Variants in TRIP12 observed in about 807,000 individuals in gnomAD.
TRIP12 encodes thyroid hormone receptor interactor 12.
A neutral mutation model predicts 244.2 loss-of-function variants in TRIP12; 25 were observed. The ratio of observed to expected loss-of-function variants is 0.10; its 90% CI spans 0.07 to 0.14. The LOEUF (loss-of-function observed/expected upper bound fraction) is 0.14. TRIP12 is among the 10% of genes least tolerant of loss of function. The pLI, the probability that TRIP12 is intolerant of heterozygous loss-of-function variation, is 1.00. For synonymous variants in TRIP12, 905 were observed against 873.1 expected, an observed-to-expected ratio of 1.04 and a Z score of -0.64; for missense variants, 1,677 against 2,486.4, an observed-to-expected ratio of 0.67 and a Z score of 6.92.
chr2:229,817,429 T>C (rs890697599), intron 9 of TRIP12, among the ~76,000 whole-genome samples: 2 of 152,218 alleles, frequency 1.3e-5, no homozygotes, highest in Non-Finnish European at 2.9e-5. Flanking sequence ...TGCTGTATTG[T>C]GCTAAGGTGC....
Position 229,808,192 on chromosome 2 carries a change from T to A in TRIP12, c.2339+60A>T, listed in dbSNP as rs924317640. On this transcript the variant is annotated intron_variant, in intron 16 of 41. Coordinates refer to ENST00000675903, the MANE Select transcript of TRIP12 (RefSeq NM_001348323.3). ...CATGTTGGCCAGGCTGGTCTCGAAC[T>A]CCTGACCTCGTGATTCACCCGCCTT... The A allele has an allele frequency of 3.2e-6, 4 of 1,258,704 alleles. No homozygotes were observed. The African/African-American group carries it at 5.9e-5, about 19-fold the overall frequency. 78.0% of individuals were successfully genotyped at this position (1,258,704 alleles called of 1,614,324 possible).
At chr2:229,907,713 G>A (rs1020765334) in intron 1 of TRIP12, among the ~76,000 whole-genome samples, 1 of 152,040 alleles carries the variant, frequency 6.6e-6, no homozygotes, top group Non-Finnish European at 1.5e-5. Flanking sequence ...TAAGGCGAGA[G>A]GACCACTTGA....
At chr2:229,833,094 C>A (rs923687776) in intron 6 of TRIP12, among the ~76,000 whole-genome samples, 1 of 152,170 alleles carries the variant, frequency 6.6e-6, no homozygotes, top group African/African-American at 2.4e-5. Flanking sequence ...AGACCTACAA[C>A]CATTAAAGGT....
At chr2:229,890,247 T>C (rs2067008938) in intron 1 of TRIP12, among the ~76,000 whole-genome samples, 1 of 151,858 alleles carries the variant, frequency 6.6e-6, no homozygotes, top group Non-Finnish European at 1.5e-5. Context: ...ACCCAGCTAA[T>C]TTTTGTATTT....
intron 2 of TRIP12, among the ~76,000 whole-genome samples, chr2:229,872,168 C>G (rs1001478889): frequency 3.4e-5 from 5 of 148,330 alleles, no homozygotes; most frequent in Non-Finnish European, 7.4e-5. Context: ...GTGGCTCATG[C>G]CTGTAATCCC....
chr2:229,903,010 C>CTTTTCTT (rs1560250130), intron 1 of TRIP12, among the ~76,000 whole-genome samples: 1 of 25,668 alleles, frequency 3.9e-5, no homozygotes, highest in Non-Finnish European at 8.5e-5. Flanking sequence ...TTTTCTTTTT[C>CTTTTCTT]TTTTTTTCTT....
intron 6 of TRIP12, among the ~76,000 whole-genome samples, chr2:229,831,344 T>C (rs2053307558): frequency 2.0e-5 from 3 of 152,148 alleles, no homozygotes; most frequent in Admixed American, 2.0e-4. Context: ...ACTTCAAGAG[T>C]GCAAAAAGAT....
At chr2:229,869,430 T>C (rs931308510) in intron 2 of TRIP12, among the ~76,000 whole-genome samples, 1 of 152,142 alleles carries the variant, frequency 6.6e-6, no homozygotes, top group African/African-American at 2.4e-5. Context: ...AAGACAAATA[T>C]AGTTGACATA....
intron 18 of TRIP12, among the ~76,000 whole-genome samples, chr2:229,804,931 A>G (rs2045460953): frequency 6.6e-6 from 1 of 152,028 alleles, no homozygotes; most frequent in African/African-American, 2.4e-5. Context: ...ATTCAGACAG[A>G]GTCTCACTCT....
At chr2:229,877,910 A>C (rs560256922) in intron 2 of TRIP12, among the ~76,000 whole-genome samples, 1 of 152,352 alleles carries the variant, frequency 6.6e-6, no homozygotes, top group East Asian at 1.9e-4. Context: ...CAGGAGGAAT[A>C]ATATTTTAAA....
At position 229,832,254 on chromosome 2, in the gene TRIP12, T is replaced by C. The variant is rs2053638050; in HGVS notation, c.1271-1415A>G. Among the ~76,000 whole-genome samples, 5 of 152,220 alleles carry C rather than the reference T, an allele frequency of 3.3e-5. No homozygotes were observed. In the South Asian group the frequency reaches 1.0e-3, roughly 32 times the overall value. ...CCAGTCCACCACATGGTTTTGTAAA[T>C]AAAAATTTTATTAGAACATAGCTGT... On this transcript the variant is annotated intron_variant, in intron 6 of 41. Coordinates refer to ENST00000675903, the MANE Select transcript of TRIP12 (RefSeq NM_001348323.3).
chr2:229,910,574 C>T (rs2074067555), intron 1 of TRIP12, among the ~76,000 whole-genome samples: 1 of 152,054 alleles, frequency 6.6e-6, no homozygotes, highest in East Asian at 1.9e-4. Context: ...TTTCAGTAGT[C>T]CTTACTTTCT....
intron 9 of TRIP12, among the ~76,000 whole-genome samples, chr2:229,815,985 T>A (rs1034633251): frequency 6.6e-6 from 1 of 152,186 alleles, no homozygotes; most frequent in Non-Finnish European, 1.5e-5. Context: ...AATGAAGGAA[T>A]GCAAAACTGC....
chr2:229,786,729 T>G (rs2040183910), intron 33 of TRIP12, among the ~76,000 whole-genome samples: 1 of 152,024 alleles, frequency 6.6e-6, no homozygotes, highest in African/African-American at 2.4e-5. Flanking sequence ...CAAGAAGATT[T>G]TTTTAACTAC....
At chr2:229,858,710 G>C in intron 4 of TRIP12, 62 bp downstream of exon 4, 1 of 1,414,678 alleles carries the variant, frequency 7.1e-7, no homozygotes, top group South Asian at 1.4e-5. Flanking sequence ...AAGCATAATT[G>C]CTTTTGACAA....
At chr2:229,867,094 A>AG in intron 2 of TRIP12, among the ~76,000 whole-genome samples, 1 of 105,534 alleles carries the variant, frequency 9.5e-6, no homozygotes, top group East Asian at 3.9e-4. Context: ...ACACACATAG[A>AG]GGGTTTTTTT....
intron 36 of TRIP12, 146 bp from the exon 37 acceptor site, chr2:229,777,625 C>T (rs2036685417): frequency 2.6e-6 from 2 of 783,710 alleles, no homozygotes; most frequent in Non-Finnish European, 4.0e-6. Context: ...ACTATTTCTC[C>T]CACTACACAA....
intron 4 of TRIP12, among the ~76,000 whole-genome samples, chr2:229,852,919 T>C (rs570499845): frequency 1.3e-5 from 2 of 152,348 alleles, no homozygotes; most frequent in African/African-American, 4.8e-5. Flanking sequence ...GCTGGTCAAA[T>C]TAATTTGCAA....
At chr2:229,880,255 G>T in intron 1 of TRIP12, 127 bp from the exon 2 acceptor site, 1 of 617,826 alleles carries the variant, frequency 1.6e-6, no homozygotes, top group African/African-American at 1.8e-5. Context: ...CTTCACCCAT[G>T]CTGCAATGTC....
Sources: allele counts gnomAD v4.1 joint callset (sites outside exome capture counted in the v4.1 genomes callset), GRCh38; gene constraint gnomAD v4.1.1; transcripts MANE v1.5; gene names NCBI Gene and HGNC (gene_info 2026-07-23, HGNC 2026-07-21).